Variants in SULF1 observed in about 807,000 individuals in gnomAD.
The protein encoded by SULF1 is sulfatase 1.
Under a neutral mutation model 110.5 loss-of-function variants are expected in SULF1, and 46 were observed. The observed-to-expected ratio is 0.42, with a 90% CI of 0.33 to 0.53. The LOEUF (loss-of-function observed/expected upper bound fraction) is 0.53, where lower values mean the gene tolerates loss of function less well. Ranked by LOEUF, SULF1 falls within the 20% of genes least tolerant of loss-of-function variation. The probability of loss-of-function intolerance (pLI) is 0.12; values close to 1 mark genes in which losing one functional copy is unlikely to be tolerated. For synonymous variants in SULF1, 371 were observed against 387.1 expected, an observed-to-expected ratio of 0.96 and a Z score of 0.49; for missense variants, 941 against 1,094.2, an observed-to-expected ratio of 0.86 and a Z score of 1.98.
chr8:69,556,592 G>A (rs1815131514), intron 3 of SULF1, among the ~76,000 whole-genome samples: 2 of 152,102 alleles, frequency 1.3e-5, no homozygotes, highest in Admixed American at 6.5e-5. Flanking sequence ...ATATCTCAAG[G>A]TACTTCAGTA....
chr8:69,504,532 G>A (rs1811047535), intron 3 of SULF1, among the ~76,000 whole-genome samples: 1 of 152,120 alleles, frequency 6.6e-6, no homozygotes, highest in Non-Finnish European at 1.5e-5. Flanking sequence ...TCCAGCCTGG[G>A]CAACAGAGCA....
chr8:69,511,866 A>G (rs1485813562), intron 3 of SULF1, among the ~76,000 whole-genome samples: 3 of 152,192 alleles, frequency 2.0e-5, no homozygotes, highest in African/African-American at 7.2e-5. Context: ...TACAGCTACA[A>G]CTATAATTAG....
intron 22 of SULF1, among the ~76,000 whole-genome samples, chr8:69,650,439 C>T (rs527532618): frequency 1.3e-5 from 2 of 152,150 alleles, no homozygotes; most frequent in East Asian, 1.9e-4. Context: ...AGTTCAAGAC[C>T]GGCCTGAGCA....
chr8:69,476,773 T>A (rs1809316230), intron 1 of SULF1, among the ~76,000 whole-genome samples: 1 of 152,230 alleles, frequency 6.6e-6, no homozygotes, highest in Admixed American at 6.5e-5. Context: ...TTAATTGACA[T>A]GAGCCAGTTT....
intron 3 of SULF1, among the ~76,000 whole-genome samples, chr8:69,506,399 G>C (rs952326249): frequency 9.9e-5 from 15 of 152,212 alleles, no homozygotes; most frequent in African/African-American, 3.6e-4. Flanking sequence ...AAATCTAAGT[G>C]ATAAGCAAAT....
chr8:69,483,753 G>A (rs971553841), intron 1 of SULF1, among the ~76,000 whole-genome samples: 2 of 152,102 alleles, frequency 1.3e-5, no homozygotes, highest in Admixed American at 1.3e-4. Context: ...TGTGTCCACT[G>A]CAACCCAGCC....
intron 8 of SULF1, among the ~76,000 whole-genome samples, chr8:69,596,170 A>T (rs1446113506): frequency 6.6e-6 from 1 of 152,146 alleles, no homozygotes; most frequent in African/African-American, 2.4e-5. Flanking sequence ...AAACTTTTAT[A>T]TATGGGAATA....
At chr8:69,513,687 G>A (rs1053724378) in intron 3 of SULF1, among the ~76,000 whole-genome samples, 3 of 152,150 alleles carry the variant, frequency 2.0e-5, no homozygotes, top group African/African-American at 4.8e-5. Flanking sequence ...AATCCCAGGG[G>A]GTGAAAAGGG....
chr8:69,558,396 A>G (rs898905672), intron 3 of SULF1, among the ~76,000 whole-genome samples: 1 of 152,190 alleles, frequency 6.6e-6, no homozygotes, highest in Non-Finnish European at 1.5e-5. Context: ...CTCTGGCCTA[A>G]CTATAAAGTG....
chr8:69,512,862 G>C (rs539066080), intron 3 of SULF1, among the ~76,000 whole-genome samples: 1 of 152,264 alleles, frequency 6.6e-6, no homozygotes, highest in East Asian at 1.9e-4. Context: ...GAATACCCTT[G>C]TGCCACACTT....
intron 5 of SULF1, among the ~76,000 whole-genome samples, 154 bp downstream of exon 5, chr8:69,564,301 C>G (rs1330568732): frequency 1.3e-5 from 2 of 152,060 alleles, no homozygotes; most frequent in East Asian, 3.9e-4. Context: ...GACCATAAGG[C>G]ATTTGGTTTG....
intron 13 of SULF1, among the ~76,000 whole-genome samples, chr8:69,605,380 G>T (rs972200662): frequency 6.6e-6 from 1 of 152,152 alleles, no homozygotes; most frequent in African/African-American, 2.4e-5. Context: ...AGAGGACAGA[G>T]CCTGTGACCA....
At chr8:69,645,730 T>TG (rs200624520) in intron 22 of SULF1, among the ~76,000 whole-genome samples, 12,676 of 152,044 alleles carry the variant, frequency 0.083, 1,537 homozygotes, top group African/African-American at 0.27. Flanking sequence ...TGGGGACTTA[T>TG]CATCAGTTCC....
chr8:69,504,194 G>A (rs188490842), intron 3 of SULF1, among the ~76,000 whole-genome samples: 231 of 152,150 alleles, frequency 1.5e-3, no homozygotes, highest in African/African-American at 5.4e-3. Context: ...TCACCACTGT[G>A]TTATGTCTTC....
In SULF1 at chr8:69,659,100, C is replaced by T. The variant is rs1443751108; in HGVS notation, c.*565C>T. On this transcript the variant is annotated 3_prime_UTR_variant, in exon 23 of 23. Coordinates refer to ENST00000402687, the MANE Select transcript of SULF1 (RefSeq NM_001128205.2). ...TTCGCAGGCACCCGAAAGAACTTCC[C>T]CAGTATGGTGGTCCTGGAAAGGACA... 2 of 456,782 alleles carry T rather than the reference C, an allele frequency of 4.4e-6. No individual in the cohort carries two copies. Among genetic ancestry groups the T allele is most frequent in the African/African-American group, 4.0e-5 (2 of 50,080 alleles). The allele number at this position is 456,782 out of a possible 1,614,324, so 28.3% of individuals were successfully genotyped here. A position where few individuals can be genotyped will look rare whatever the true frequency, so the allele number is the denominator to read the frequency against.
At chr8:69,596,158 C>T (rs1807303376) in intron 8 of SULF1, among the ~76,000 whole-genome samples, 1 of 151,986 alleles carries the variant, frequency 6.6e-6, no homozygotes, top group Non-Finnish European at 1.5e-5. Flanking sequence ...CTGGGAAAAG[C>T]TAAACTTTTA....
intron 17 of SULF1, 103 bp downstream of exon 17, chr8:69,627,969 TGTC>T: frequency 1.1e-6 from 1 of 947,166 alleles, no homozygotes; most frequent in Non-Finnish European, 1.7e-6. Context: ...TAGAATGTAT[TGTC>T]ATAGAGTACG....
At chr8:69,626,659 C>A (rs1277467283) in intron 15 of SULF1, among the ~76,000 whole-genome samples, 2 of 152,234 alleles carry the variant, frequency 1.3e-5, no homozygotes, top group South Asian at 2.1e-4. Context: ...GGTGAGAAAT[C>A]GAGCGCAGCG....
chr8:69,608,694 T>C (rs1486324172), intron 13 of SULF1, among the ~76,000 whole-genome samples: 1 of 151,798 alleles, frequency 6.6e-6, no homozygotes, highest in African/African-American at 2.4e-5. Context: ...TCAAAATAAA[T>C]AAATAAATAT....
Sources: allele counts gnomAD v4.1 joint callset (sites outside exome capture counted in the v4.1 genomes callset), GRCh38; gene constraint gnomAD v4.1.1; transcripts MANE v1.5; gene names NCBI Gene and HGNC (gene_info 2026-07-23, HGNC 2026-07-21).